PCBP3: variants seen among roughly 807,000 people sequenced by gnomAD.
PCBP3 encodes poly(rC) binding protein 3, also known as poly(rC)-binding protein 3.
A neutral mutation model predicts 52.7 loss-of-function variants in PCBP3; 25 were observed. That is an observed-to-expected ratio of 0.47 (90% confidence interval 0.35 to 0.66). PCBP3 has a LOEUF of 0.66. PCBP3 is among the 30% of genes least tolerant of loss of function. The probability of loss-of-function intolerance (pLI) is 0.01; values close to 1 mark genes in which losing one functional copy is unlikely to be tolerated. For synonymous variants in PCBP3, 162 were observed against 183.0 expected (o/e 0.89, Z 0.93); for missense variants, 391 against 490.3 (o/e 0.80, Z 1.91).
At chr21:45,753,830 G>C (rs925288044) in intron 3 of PCBP3, among the ~76,000 whole-genome samples, 2 of 152,132 alleles carry the variant, frequency 1.3e-5, no homozygotes, top group African/African-American at 2.4e-5. Flanking sequence ...CTCCTGACTT[G>C]AATGGCATTT....
chr21:45,825,164 G>A (rs1428459976), intron 4 of PCBP3, among the ~76,000 whole-genome samples: 1 of 152,168 alleles, frequency 6.6e-6, no homozygotes, highest in African/African-American at 2.4e-5. Flanking sequence ...TTGCTCTGAG[G>A]TTCTAATTGC....
chr21:45,675,200 G>T (rs762338524), intron 2 of PCBP3, among the ~76,000 whole-genome samples: 52 of 152,186 alleles, frequency 3.4e-4, no homozygotes, highest in Non-Finnish European at 5.7e-4. Flanking sequence ...GTGAGTATGT[G>T]GGGGCAGTGG....
At chr21:45,692,268 G>C (rs887316538) in intron 2 of PCBP3, among the ~76,000 whole-genome samples, 20 of 151,942 alleles carry the variant, frequency 1.3e-4, no homozygotes, top group African/African-American at 4.8e-4. Flanking sequence ...ATAATCTAAA[G>C]TAAGTTGAAG....
chr21:45,826,388 C>A (rs145102751), intron 4 of PCBP3, among the ~76,000 whole-genome samples: 2 of 152,310 alleles, frequency 1.3e-5, no homozygotes, highest in African/African-American at 4.8e-5. Context: ...CTCTGATCCA[C>A]ATAACGCAGG....
intron 2 of PCBP3, among the ~76,000 whole-genome samples, chr21:45,679,685 T>C (rs2081711056): frequency 6.6e-6 from 1 of 152,230 alleles, no homozygotes; most frequent in Admixed American, 6.5e-5. Flanking sequence ...CTGCTCTTAA[T>C]CCTCTTAATC....
intron 2 of PCBP3, among the ~76,000 whole-genome samples, chr21:45,677,417 G>A (rs77809339): frequency 0.17 from 26,471 of 152,180 alleles, 2,914 homozygotes; most frequent in Non-Finnish European, 0.24. Context: ...GCTAGTAGAG[G>A]TTGGTTCATG....
At chr21:45,936,898 G>A (rs1344694101) in intron 16 of PCBP3, among the ~76,000 whole-genome samples, 2 of 152,194 alleles carry the variant, frequency 1.3e-5, no homozygotes, top group African/African-American at 2.4e-5. Flanking sequence ...TCCTAGGGAA[G>A]AGACCCACTT....
At chr21:45,856,034 C>T (rs1334637415) in intron 5 of PCBP3, among the ~76,000 whole-genome samples, 2 of 152,176 alleles carry the variant, frequency 1.3e-5, no homozygotes, top group Non-Finnish European at 2.9e-5. Flanking sequence ...AAATATTTTA[C>T]CCCAAAATAT....
chr21:45,780,257 AT>A (rs1477992540), intron 4 of PCBP3, among the ~76,000 whole-genome samples: 3 of 152,254 alleles, frequency 2.0e-5, no homozygotes, highest in Admixed American at 6.5e-5. Context: ...AAATACACAC[AT>A]TTATACACTG....
intron 5 of PCBP3, among the ~76,000 whole-genome samples, chr21:45,867,207 A>G (rs1210606833): frequency 6.6e-6 from 1 of 152,190 alleles, no homozygotes; most frequent in African/African-American, 2.4e-5. Flanking sequence ...CGGCGGACGG[A>G]ACAAAACGCG....
At chr21:45,649,761 A>T in intron 1 of PCBP3, among the ~76,000 whole-genome samples, 1 of 152,066 alleles carries the variant, frequency 6.6e-6, no homozygotes, top group South Asian at 2.1e-4. Flanking sequence ...ATTTAAAAGA[A>T]ATGCTGTGAA....
At chr21:45,783,171 G>C (rs2090774369) in intron 4 of PCBP3, among the ~76,000 whole-genome samples, 1 of 152,164 alleles carries the variant, frequency 6.6e-6, no homozygotes, top group African/African-American at 2.4e-5. Context: ...GCAGAAATAT[G>C]GTTTTGGTTT....
At position 45,911,045 on chromosome 21, in the gene PCBP3, C is replaced by T. The variant is rs1030362829; in HGVS notation, c.600+15C>T. On this transcript the variant is annotated intron_variant, in intron 11 of 17. Transcript: ENST00000681687. Reference sequence around the variant, plus strand: ...TCATGCTGGAGGTACCGTCTGCGCGCCAGGGCCAGCCCACGTCAGTGCTGG... The same window carrying T: ...TCATGCTGGAGGTACCGTCTGCGCGTCAGGGCCAGCCCACGTCAGTGCTGG... 2 of 1,606,708 alleles carry T rather than the reference C, an allele frequency of 1.2e-6. No homozygotes were observed. Among genetic ancestry groups the T allele is most frequent in the Non-Finnish European group, 1.7e-6 (2 of 1,179,774 alleles).
chr21:45,716,112 G>A (rs1191155036), intron 2 of PCBP3, among the ~76,000 whole-genome samples: 3 of 151,896 alleles, frequency 2.0e-5, no homozygotes, highest in African/African-American at 7.3e-5. Context: ...TAGTCCTTAG[G>A]TCTTTGATTC....
intron 1 of PCBP3, among the ~76,000 whole-genome samples, chr21:45,649,252 C>T (rs1031027606): frequency 6.6e-6 from 1 of 152,188 alleles, no homozygotes; most frequent in African/African-American, 2.4e-5. Flanking sequence ...GACTTACTCA[C>T]TGTCACAAGA....
intron 2 of PCBP3, among the ~76,000 whole-genome samples, chr21:45,708,837 C>T (rs2148107724): frequency 1.3e-5 from 2 of 152,360 alleles, no homozygotes; most frequent in African/African-American, 4.8e-5. Flanking sequence ...CCCGTAGGAG[C>T]ATTTGCACTG....
chr21:45,879,252 C>T (rs1386657199), intron 5 of PCBP3, among the ~76,000 whole-genome samples: 1 of 151,630 alleles, frequency 6.6e-6, no homozygotes, highest in African/African-American at 2.4e-5. Flanking sequence ...CCCAAAGTAC[C>T]GGGTTTACAA....
At chr21:45,645,191 C>CT (rs570260212) in intron 1 of PCBP3, among the ~76,000 whole-genome samples, 18 of 151,926 alleles carry the variant, frequency 1.2e-4, no homozygotes, top group Non-Finnish European at 4.4e-5. Flanking sequence ...GGCCTTAAAA[C>CT]TAACAAGTGC....
chr21:45,860,607 C>T (rs1603452139), intron 5 of PCBP3, among the ~76,000 whole-genome samples: 1 of 152,224 alleles, frequency 6.6e-6, no homozygotes, highest in Non-Finnish European at 1.5e-5. Context: ...GAAAACCCAT[C>T]GCCCTGGAGG....
Sources: gnomAD v4.1 joint callset for allele counts (sites outside exome capture counted in the v4.1 genomes callset) on GRCh38, gnomAD v4.1.1 for gene constraint, MANE v1.5 for transcripts, NCBI Gene and HGNC (gene_info 2026-07-23, HGNC 2026-07-21) for gene names.